Variants in ROBO2 observed in about 807,000 individuals in gnomAD.
ROBO2 encodes the protein roundabout homolog 2.
In ROBO2, 53 loss-of-function variants were observed where a neutral mutation model predicts 160.8. That is an observed-to-expected ratio of 0.33 (90% CI 0.26 to 0.41). The LOEUF (loss-of-function observed/expected upper bound fraction) is 0.41, where lower values mean the gene tolerates loss of function less well. ROBO2 is among the 10% of genes least tolerant of loss of function. The pLI is 1.00. For missense variants in ROBO2, 1,577 were observed against 1,722.4 expected (o/e 0.92, Z 1.49); for synonymous variants, 664 against 611.7 (o/e 1.09, Z -1.26).
chr3:76,961,501 A>G (rs2079660505), intron 2 of ROBO2, among the ~76,000 whole-genome samples: 1 of 152,146 alleles, frequency 6.6e-6, no homozygotes, highest in Non-Finnish European at 1.5e-5. Flanking sequence ...CCCCACATTA[A>G]TCTAGAAGGT....
At chr3:76,554,023 GA>G (rs1009053358) in intron 2 of ROBO2, among the ~76,000 whole-genome samples, 17 of 152,072 alleles carry the variant, frequency 1.1e-4, no homozygotes, top group Non-Finnish European at 2.9e-5. Context: ...TAAAGAATTA[GA>G]AAAACGTGAA....
intron 2 of ROBO2, among the ~76,000 whole-genome samples, chr3:77,027,622 C>T (rs2149534264): frequency 6.6e-6 from 1 of 152,252 alleles, no homozygotes; most frequent in African/African-American, 2.4e-5. Flanking sequence ...ACATTTATGT[C>T]AGTATGGTAC....
chr3:76,899,037 A>C (rs2075027948), intron 2 of ROBO2, among the ~76,000 whole-genome samples: 1 of 152,126 alleles, frequency 6.6e-6, no homozygotes, highest in Non-Finnish European at 1.5e-5. Flanking sequence ...CACCTATTCC[A>C]TGTGTTTCCA....
chr3:77,483,733 ATATAT>A (rs1440558353), intron 4 of ROBO2, among the ~76,000 whole-genome samples: 7 of 147,868 alleles, frequency 4.7e-5, no homozygotes, highest in South Asian at 2.1e-4. Flanking sequence ...TATGATGTAA[ATATAT>A]TATATTTTAT....
intron 2 of ROBO2, among the ~76,000 whole-genome samples, chr3:76,533,665 C>T (rs937459590): frequency 3.3e-5 from 5 of 152,026 alleles, no homozygotes; most frequent in African/African-American, 7.3e-5. Flanking sequence ...GGGCTGAGTC[C>T]GAAAAGAGAG....
rs528054377 is a variant in ROBO2, at chr3:76,925,698, C to T, written c.110-172316C>T. Among the ~76,000 whole-genome samples, 43 of 152,226 alleles carry T rather than the reference C, an allele frequency of 2.8e-4. 1 individual carries two copies. The South Asian group carries it at 7.9e-3, about 28-fold the overall frequency. On this transcript the variant is annotated intron_variant, in intron 2 of 26. Transcript: ENST00000487694. The stretch of plus-strand genomic sequence containing the variant: ...ATGGGGTCAGGGGAGCTGAGAGTGC[C>T]GCTTACACCACAACAAACCCAGCCC...
In ROBO2 at chr3:77,207,286, C is replaced by T. The variant is rs1232741572; in HGVS notation, c.388+108946C>T. Among the ~76,000 whole-genome samples the T allele has an allele frequency of 2.6e-5, 4 of 152,112 alleles. No homozygotes were observed. The East Asian group carries it at 7.7e-4, about 29-fold the overall frequency. On this transcript the variant is annotated intron_variant, in intron 2 of 25. Coordinates refer to ENST00000461745, the Ensembl canonical transcript of ROBO2. ...ACTGGACAATTATTTCTTTTTCTAT[C>T]TATTTTAGTTAGAATCATTCTAAAA...
intron 2 of ROBO2, among the ~76,000 whole-genome samples, chr3:76,629,491 A>G (rs944418133): frequency 5.3e-5 from 8 of 152,138 alleles, no homozygotes; most frequent in Admixed American, 1.3e-4. Flanking sequence ...GACAGGAAGC[A>G]TCCTGCATGC....
At chr3:76,626,794 G>A (rs558457637) in intron 2 of ROBO2, among the ~76,000 whole-genome samples, 3 of 152,094 alleles carry the variant, frequency 2.0e-5, no homozygotes, top group Non-Finnish European at 2.9e-5. Flanking sequence ...CCGGGTTCAC[G>A]TCATTCTCCT....
intron 2 of ROBO2, among the ~76,000 whole-genome samples, chr3:77,149,034 ATT>A (rs71104654): frequency 0.15 from 18,601 of 126,154 alleles, 1,325 homozygotes; most frequent in Middle Eastern, 0.22. Flanking sequence ...GACAAAGTAA[ATT>A]TTTTTTTTTT....
Position 76,693,048 on chromosome 3 carries a change from CTATATA to C in ROBO2, c.110-404961_110-404956del, listed in dbSNP as rs10583136. On this transcript the variant is annotated intron_variant, in intron 2 of 26. Coordinates refer to the ROBO2 transcript ENST00000487694. Reference sequence around the variant, plus strand: ...TATATACATACATAAGTCTCTCTCCCTATATATATAGTGTGTATCTATATATAGTGT... The same window carrying C: ...TATATACATACATAAGTCTCTCTCCCTATAGTGTGTATCTATATATAGTGT... Among the ~76,000 whole-genome samples the C allele has an allele frequency of 3.1e-3, 453 of 147,810 alleles. 3 individuals are homozygous for C. Among genetic ancestry groups the C allele is most frequent in the African/African-American group, 0.01 (413 of 40,344 alleles).
At chr3:77,157,859 A>G (rs548054100) in intron 2 of ROBO2, among the ~76,000 whole-genome samples, 2 of 152,198 alleles carry the variant, frequency 1.3e-5, no homozygotes, top group South Asian at 4.1e-4. Flanking sequence ...ATATTTCTAA[A>G]TTTCTCAGGG....
rs982321652 is a variant in ROBO2, at chr3:77,532,109, C to T, written c.934+9207C>T. On this transcript the variant is annotated intron_variant, in intron 6 of 25. Transcript: ENST00000461745. Reference sequence around the variant, plus strand: ...TCATTTCTAAAGTGAAACACAAGCGCGGGTTACTTCTCAGGCTGAGCTGGT... The same window carrying T: ...TCATTTCTAAAGTGAAACACAAGCGTGGGTTACTTCTCAGGCTGAGCTGGT... 3.3e-5 allele frequency among the ~76,000 whole-genome samples: 5 copies of T among 152,046 alleles called. No homozygotes were observed. In the South Asian group the frequency reaches 1.0e-3, roughly 32 times the overall value.
chr3:76,339,128 A>C (rs2074063465), intron 2 of ROBO2, among the ~76,000 whole-genome samples: 1 of 152,188 alleles, frequency 6.6e-6, no homozygotes, highest in Admixed American at 6.5e-5. Flanking sequence ...CTTTAAACTT[A>C]TCTAAATATT....
chr3:77,209,387 G>C (rs2083822451), intron 2 of ROBO2, among the ~76,000 whole-genome samples: 1 of 152,036 alleles, frequency 6.6e-6, no homozygotes, highest in African/African-American at 2.4e-5. Flanking sequence ...TTGCATAACA[G>C]TATTTTACTT....
intron 1 of ROBO2, among the ~76,000 whole-genome samples, chr3:77,089,508 A>T (rs1323737135): frequency 6.6e-6 from 1 of 152,176 alleles, no homozygotes; most frequent in Non-Finnish European, 1.5e-5. Context: ...TAGTTTTAGG[A>T]CACTGAAAAG....
At chr3:77,347,627 G>A (rs559163934) in intron 2 of ROBO2, among the ~76,000 whole-genome samples, 1 of 151,722 alleles carries the variant, frequency 6.6e-6, no homozygotes, top group Non-Finnish European at 1.5e-5. Flanking sequence ...CTGCCCTTAC[G>A]ACCCACGGTG....
rs1017719676 is a variant in ROBO2, at chr3:76,149,567, C to A, written c.109+211965C>A. Among the ~76,000 whole-genome samples, 82 of 130,574 alleles carry A rather than the reference C, an allele frequency of 6.3e-4. 18 individuals carry two copies. Among genetic ancestry groups the A allele is most frequent in the Non-Finnish European group, 1.3e-3 (76 of 56,670 alleles). 85.7% of individuals were successfully genotyped at this position (130,574 alleles called of 152,430 possible). ...CACATCTGTCTAAAGCACACATCAT[C>A]TGTCTAAAGCACACATCATCTGTCT... On this transcript the variant is annotated intron_variant, in intron 2 of 26. Transcript: ENST00000487694.
intron 2 of ROBO2, among the ~76,000 whole-genome samples, chr3:76,012,526 G>A (rs939435309): frequency 6.6e-5 from 10 of 151,982 alleles, no homozygotes; most frequent in South Asian, 4.1e-4. Flanking sequence ...ATGACCTACT[G>A]TATGCAATAT....
Sources: allele counts gnomAD v4.1 joint callset (sites outside exome capture counted in the v4.1 genomes callset), GRCh38; gene constraint gnomAD v4.1.1; transcripts MANE v1.5; gene names NCBI Gene and HGNC (gene_info 2026-07-23, HGNC 2026-07-21).